Variants in STRADB observed in about 807,000 individuals in gnomAD.
The protein encoded by STRADB is STE20 related adaptor beta.
In STRADB, 34 loss-of-function variants were observed where a neutral mutation model predicts 52.1. The ratio of observed to expected loss-of-function variants is 0.65; its 90% confidence interval spans 0.50 to 0.87. The LOEUF (loss-of-function observed/expected upper bound fraction) is 0.87, where lower values mean the gene tolerates loss of function less well. STRADB is among the 40% of genes least tolerant of loss of function. STRADB has a pLI of 0.00. For missense variants in STRADB, 340 were observed against 483.9 expected (o/e 0.70, Z 2.79); for synonymous variants, 133 against 174.5 (o/e 0.76, Z 1.87).
chr2:201,480,331 C>T lies in STRADB; in HGVS notation c.*156C>T. On this transcript the variant is annotated 3_prime_UTR_variant, in exon 12 of 12. Coordinates refer to ENST00000194530, the MANE Select transcript of STRADB (RefSeq NM_018571.6). ...AAAACCACTCTGTTCAAAGGGGCAC[C>T]AGTTTGTAGTCCCTCTGTTTCGCAC... 4 of 1,476,102 alleles carry T rather than the reference C, an allele frequency of 2.7e-6. No individual in the cohort carries two copies. Among genetic ancestry groups the T allele is most frequent in the Non-Finnish European group, 3.6e-6 (4 of 1,118,882 alleles). The allele number at this position is 1,476,102 out of a possible 1,614,324, so 91.4% of individuals were successfully genotyped here.
chr2:201,457,520 G>T (rs1952145548), intron 2 of STRADB: 1 of 152,180 alleles, frequency 6.6e-6, no homozygotes, highest in African/African-American at 2.4e-5. Flanking sequence ...TATACAGACT[G>T]TAGGAATTCA....
intron 10 of STRADB, 38 bp downstream of exon 10, chr2:201,478,639 T>C (rs772196606): frequency 1.9e-6 from 3 of 1,589,792 alleles, no homozygotes; most frequent in Non-Finnish European, 2.6e-6. Context: ...AAAATGTACA[T>C]GTTTTACATT....
chr2:201,478,352 T>C lies in STRADB; in HGVS notation c.826-5T>C. On this transcript the variant is annotated splice_region_variant and splice_polypyrimidine_tract_variant and intron_variant, in intron 9 of 11. Coordinates refer to ENST00000194530, the MANE Select transcript of STRADB (RefSeq NM_018571.6). ...AGTGTTGAAGGAAAGTTCTGTTTCTTTTAGATGCTGTTACAGAAACTGAAA... is the reference window on the plus strand; with the variant it reads ...AGTGTTGAAGGAAAGTTCTGTTTCTCTTAGATGCTGTTACAGAAACTGAAA... The C allele has an allele frequency of 6.2e-7, 1 of 1,611,452 alleles. No homozygotes were observed. Among genetic ancestry groups the C allele is most frequent in the Middle Eastern group, 1.7e-4 (1 of 6,050 alleles).
intron 4 of STRADB, among the ~76,000 whole-genome samples, chr2:201,471,839 C>T (rs925024453): frequency 2.6e-5 from 4 of 152,156 alleles, no homozygotes; most frequent in African/African-American, 9.7e-5. Flanking sequence ...TGCAGTAGTT[C>T]CCTCAGTAAT....
chr2:201,478,709 T>TTA, intron 10 of STRADB, 108 bp downstream of exon 10: 2 of 1,260,556 alleles, frequency 1.6e-6, no homozygotes, highest in Non-Finnish European at 2.2e-6. Context: ...ATCAAAATAT[T>TTA]GTCTGCTCTA....
At chr2:201,473,387 C>A (rs928275815) in intron 5 of STRADB, among the ~76,000 whole-genome samples, 1 of 151,990 alleles carries the variant, frequency 6.6e-6, no homozygotes, top group Non-Finnish European at 1.5e-5. Context: ...GTGTAGGAGG[C>A]GGTCAGGGGA....
intron 2 of STRADB, among the ~76,000 whole-genome samples, chr2:201,456,000 G>A (rs894327395): frequency 3.3e-5 from 5 of 152,208 alleles, no homozygotes; most frequent in Non-Finnish European, 7.3e-5. Flanking sequence ...CCACTTGAAA[G>A]AGAAGCTTTA....
At chr2:201,461,965 C>T (rs547558547) in intron 3 of STRADB, among the ~76,000 whole-genome samples, 1 of 152,270 alleles carries the variant, frequency 6.6e-6, no homozygotes, top group African/African-American at 2.4e-5. Flanking sequence ...ATGTTCTTGG[C>T]TTCTTTGTCA....
chr2:201,478,124 G>A lies in STRADB; in HGVS notation c.758G>A (p.Ser253Asn), dbSNP rs925475488. The change falls in exon 9 of 12, where the codon AGT becomes AAT. Residue 253 changes from serine (S) to asparagine (N), a missense_variant. Physicochemically the swap from Ser to Asn is conservative, Grantham distance 46. Transcript: ENST00000194530. ...HGYNVKSDIY[S>N]VGITACELAS... ...TATAATGTGAAGTCAGATATTTACA[G>A]TGTTGGGATTACAGCATGTGAATTA... 1.2e-6 allele frequency: 2 copies of A among 1,613,358 alleles called. No individual in the cohort carries two copies. Among genetic ancestry groups the A allele is most frequent in the African/African-American group, 2.7e-5 (2 of 74,862 alleles).
chr2:201,478,103 A>T lies in STRADB; in HGVS notation c.737A>T (p.Asn246Ile). The T allele has an allele frequency of 6.2e-7, 1 of 1,610,630 alleles. No individual in the cohort carries two copies. Among genetic ancestry groups the T allele is most frequent in the Admixed American group, 1.7e-5 (1 of 59,170 alleles). Residue 246 changes from asparagine (N) to isoleucine (I), a missense_variant, in exon 9 of 12, where the codon AAT becomes ATT. Coordinates refer to ENST00000194530, the MANE Select transcript of STRADB (RefSeq NM_018571.6). ...GTCCTACAGGATTTACATGGGTATA[A>T]TGTGAAGTCAGATATTTACAGTGTT... Reference protein sequence around the residue: ...ELLRQDLHGYNVKSDIYSVGI... With the variant: ...ELLRQDLHGYIVKSDIYSVGI...
intron 3 of STRADB, among the ~76,000 whole-genome samples, chr2:201,469,630 G>T (rs1051893225): frequency 6.6e-6 from 1 of 152,126 alleles, no homozygotes; most frequent in Non-Finnish European, 1.5e-5. Flanking sequence ...GCAGCTCTTC[G>T]CTTGGTACAT....
intron 2 of STRADB, among the ~76,000 whole-genome samples, chr2:201,456,590 A>ATTTGTG (rs1952131376): frequency 6.6e-6 from 1 of 152,066 alleles, no homozygotes; most frequent in East Asian, 1.9e-4. Flanking sequence ...TTTTCCTTAA[A>ATTTGTG]CGAGAAATTT....
chr2:201,461,731 G>A lies in STRADB; in HGVS notation c.93+2867G>A, dbSNP rs552194650. Among the ~76,000 whole-genome samples the A allele has an allele frequency of 1.4e-3, 211 of 150,530 alleles. 1 individual carries two copies. The highest frequency in any genetic ancestry group is 5.0e-3 in the African/African-American group (203 of 40,850). On this transcript the variant is annotated intron_variant, in intron 3 of 11. Transcript: ENST00000194530. Reference sequence around the variant, plus strand: ...TTTTGCTTGATTGCCTCTACTTTTGGGGTATAACTCAATTAATCTTTGCCC... The same window carrying A: ...TTTTGCTTGATTGCCTCTACTTTTGAGGTATAACTCAATTAATCTTTGCCC...
intron 3 of STRADB, 69 bp downstream of exon 3, chr2:201,458,933 A>G: frequency 7.2e-7 from 1 of 1,392,942 alleles, no homozygotes; most frequent in South Asian, 1.2e-5. Context: ...AGGCCAAGGC[A>G]GGAGAATCAC....
At chr2:201,479,210 T>C in intron 10 of STRADB, 1 of 321,208 alleles carries the variant, frequency 3.1e-6, no homozygotes, top group Non-Finnish European at 5.7e-6. Context: ...GTTAAGACTC[T>C]AAGTAGTATA....
At position 201,472,927 on chromosome 2, in the gene STRADB, C is replaced by T. The variant is rs757826713; in HGVS notation, c.194-28C>T. On this transcript the variant is annotated intron_variant, in intron 4 of 11. Transcript: ENST00000194530. ...GTCAGTTTTTTTTCTTCTTTGGTTA[C>T]TAACATGAGTTTTATGTCTGATTAC... is the stretch of plus-strand genomic sequence containing the variant. 5 of 1,551,622 alleles carry T rather than the reference C, an allele frequency of 3.2e-6. No homozygotes were observed. In the African/African-American group the frequency reaches 5.6e-5, roughly 17 times the overall value.
chr2:201,466,166 G>A (rs1167074177), intron 3 of STRADB, among the ~76,000 whole-genome samples: 2 of 152,300 alleles, frequency 1.3e-5, no homozygotes, highest in East Asian at 3.9e-4. Context: ...CTCCCTCCCA[G>A]TCTGAGTTTT....
Position 201,469,949 on chromosome 2 carries a change from G to A in STRADB, c.94-4G>A, listed in dbSNP as rs1159322710. ...TTTGTTTTTATCTTTAAAAACAAAT[G>A]CAGGTTGATGAGCCAACCCTTTCCT... On this transcript the variant is annotated splice_polypyrimidine_tract_variant and splice_region_variant and intron_variant, in intron 3 of 11. Coordinates refer to ENST00000194530, the MANE Select transcript of STRADB (RefSeq NM_018571.6). The A allele has an allele frequency of 1.2e-6, 2 of 1,610,800 alleles. No homozygotes were observed. Among genetic ancestry groups the A allele is most frequent in the Non-Finnish European group, 8.5e-7 (1 of 1,177,898 alleles).
Position 201,458,838 on chromosome 2 carries a change from T to G in STRADB, c.67T>G (p.Ser23Ala). The G allele has an allele frequency of 6.2e-7, 1 of 1,613,880 alleles. No individual in the cohort carries two copies. The highest frequency in any genetic ancestry group is 8.5e-7 in the Non-Finnish European group (1 of 1,179,900). ...TGAATCACTCAGACCTGAAAAACAG[T>G]CTGAAACCAGTATCCATCAATACTT... ...QVESLRPEKQ[S>A]ETSIHQYLVD... The change falls in exon 3 of 12, where the codon TCT becomes GCT. Residue 23 changes from serine to alanine, a missense_variant. Physicochemically the swap from Ser to Ala is moderately conservative, Grantham distance 99. Coordinates refer to ENST00000194530, the MANE Select transcript of STRADB (RefSeq NM_018571.6).
Sources: gnomAD v4.1 joint callset for allele counts (sites outside exome capture counted in the v4.1 genomes callset) on GRCh38, gnomAD v4.1.1 for gene constraint, MANE v1.5 for transcripts, NCBI Gene and HGNC (gene_info 2026-07-23, HGNC 2026-07-21) for gene names.